PDE1A: variants seen among roughly 807,000 people sequenced by gnomAD.
The protein encoded by PDE1A is dual specificity calcium/calmodulin-dependent 3',5'-cyclic nucleotide phosphodiesterase 1A.
PDE1A carries 35 observed loss-of-function variants against 61.7 expected under a neutral mutation model. The ratio of observed to expected loss-of-function variants is 0.57; its 90% confidence interval spans 0.43 to 0.75. The LOEUF (loss-of-function observed/expected upper bound fraction) is 0.75. Ranked by LOEUF, PDE1A falls within the 30% of genes least tolerant of loss-of-function variation. The pLI is 0.00. For missense variants in PDE1A, 597 were observed against 630.6 expected (o/e 0.95, Z 0.57); for synonymous variants, 232 against 213.2 (o/e 1.09, Z -0.77).
chr2:182,305,487 T>C (rs142248363), intron 1 of PDE1A, among the ~76,000 whole-genome samples: 6 of 152,294 alleles, frequency 3.9e-5, no homozygotes, highest in African/African-American at 1.4e-4. Context: ...TGCTGATCCC[T>C]GCTCTAAATT....
the PDE1A span, among the ~76,000 whole-genome samples, chr2:182,537,198 T>C: frequency 6.6e-6 from 1 of 152,188 alleles, no homozygotes; most frequent in African/African-American, 2.4e-5. Flanking sequence ...TAAAGGAATA[T>C]TGAGGGATAG....
At chr2:182,431,135 A>C (rs565655081), upstream of PDE1A, among the ~76,000 whole-genome samples, 45 of 151,020 alleles carry the variant, frequency 3.0e-4, no homozygotes, top group African/African-American at 8.5e-4. Context: ...AAAAAAAAAA[A>C]AAAAAACACA....
chr2:182,246,367 T>A (rs1690946295), intron 2 of PDE1A, among the ~76,000 whole-genome samples: 3 of 151,798 alleles, frequency 2.0e-5, no homozygotes, highest in Admixed American at 1.3e-4. Flanking sequence ...TTTTATTTTG[T>A]CTTTTTATTC....
intron 2 of PDE1A, among the ~76,000 whole-genome samples, chr2:182,473,483 C>T (rs1559495146): frequency 6.6e-6 from 1 of 151,690 alleles, no homozygotes; most frequent in East Asian, 2.0e-4. Flanking sequence ...TGAACAGGCA[C>T]TTTTTTTCTT....
chr2:182,595,738 G>T, the PDE1A span, among the ~76,000 whole-genome samples: 1 of 152,154 alleles, frequency 6.6e-6, no homozygotes, highest in African/African-American at 2.4e-5. Flanking sequence ...TCGCCATCAG[G>T]TGGATCTCTT....
chr2:182,409,784 A>G (rs1179707125), intron 1 of PDE1A, among the ~76,000 whole-genome samples: 1 of 152,218 alleles, frequency 6.6e-6, no homozygotes, highest in Non-Finnish European at 1.5e-5. Context: ...GAACATTACA[A>G]TTATATGTAC....
At chr2:182,413,124 C>G (rs147401727) in intron 1 of PDE1A, among the ~76,000 whole-genome samples, 1 of 151,978 alleles carries the variant, frequency 6.6e-6, no homozygotes. Context: ...CCAGAATGAC[C>G]GTAGCATAAG....
chr2:182,550,613 A>G, the PDE1A span, among the ~76,000 whole-genome samples: 2 of 152,238 alleles, frequency 1.3e-5, no homozygotes, highest in East Asian at 1.9e-4. Flanking sequence ...TTCTAGGTGC[A>G]TTAGACACAT....
At chr2:182,671,069 T>A in the PDE1A span, among the ~76,000 whole-genome samples, 1 of 152,082 alleles carries the variant, frequency 6.6e-6, no homozygotes, top group Non-Finnish European at 1.5e-5. Context: ...CCGCCCACCT[T>A]GGCCTCCCAA....
At chr2:182,496,217 T>C (rs532731540) in intron 2 of PDE1A, among the ~76,000 whole-genome samples, 4 of 152,276 alleles carry the variant, frequency 2.6e-5, no homozygotes, top group Non-Finnish European at 5.9e-5. Flanking sequence ...AATATTAAAC[T>C]AGGCTACAAA....
chr2:182,527,330 ATATATATATATATATATAT>A (rs1559543453), upstream of PDE1A, among the ~76,000 whole-genome samples: 30 of 7,378 alleles, frequency 4.1e-3, 4 homozygotes, highest in East Asian at 0.024. Context: ...AAAAAAAAAT[ATATATATATATATATATAT>A]ATATATATAT....
At chr2:182,532,756 C>T in the PDE1A span, among the ~76,000 whole-genome samples, 1 of 149,018 alleles carries the variant, frequency 6.7e-6, no homozygotes, top group Non-Finnish European at 1.5e-5. Context: ...GTCAGGAGAT[C>T]GACAGGACGG....
At chr2:182,262,968 T>TGTGTGTGTGTGC (rs1692333296) in intron 2 of PDE1A, among the ~76,000 whole-genome samples, 1 of 151,694 alleles carries the variant, frequency 6.6e-6, no homozygotes, top group South Asian at 2.1e-4. Flanking sequence ...TGTGTGTGTG[T>TGTGTGTGTGTGC]GTGTGTGTGT....
At chr2:182,264,867 G>GTATATATATA (rs1216416384) in intron 1 of PDE1A, among the ~76,000 whole-genome samples, 2 of 34,140 alleles carry the variant, frequency 5.9e-5, no homozygotes, top group East Asian at 8.6e-4. Flanking sequence ...AGAAAATGTG[G>GTATATATATA]TATATATATA....
the PDE1A span, among the ~76,000 whole-genome samples, chr2:182,562,743 G>A: frequency 6.6e-6 from 1 of 152,008 alleles, no homozygotes; most frequent in African/African-American, 2.4e-5. Context: ...GCCTGTTATT[G>A]GTCTATTCAG....
intron 1 of PDE1A, among the ~76,000 whole-genome samples, chr2:182,275,208 A>C (rs1192104634): frequency 9.9e-5 from 15 of 152,028 alleles, no homozygotes. Flanking sequence ...AGAGAGAAAC[A>C]CCAGTGGGGA....
the PDE1A span, among the ~76,000 whole-genome samples, chr2:182,554,977 C>G: frequency 6.6e-6 from 1 of 152,134 alleles, no homozygotes; most frequent in African/African-American, 2.4e-5. Flanking sequence ...AAAGTGTAAA[C>G]AGAGAAATAG....
chr2:182,245,784 A>AATT, intron 2 of PDE1A, among the ~76,000 whole-genome samples: 1 of 152,328 alleles, frequency 6.6e-6, no homozygotes, highest in Non-Finnish European at 1.5e-5. Flanking sequence ...AAGGTTTGAC[A>AATT]ATTATGAATA....
chr2:182,178,063 G>T lies in PDE1A; in HGVS notation c.1516+7829C>A, dbSNP rs566659051. ...TTGTGTGTCTCGATGAGCTGATACAGTGAATCATTAGCTGATCTGGTTTTG... is the reference window on the plus strand; with the variant it reads ...TTGTGTGTCTCGATGAGCTGATACATTGAATCATTAGCTGATCTGGTTTTG... On this transcript the variant is annotated intron_variant, in intron 13 of 13. Coordinates refer to ENST00000351439, the Ensembl canonical transcript of PDE1A. Among the ~76,000 whole-genome samples the T allele has an allele frequency of 3.9e-5, 6 of 152,244 alleles. No individual in the cohort carries two copies. In the South Asian group the frequency reaches 1.2e-3, roughly 32 times the overall value.
Sources: allele counts gnomAD v4.1 joint callset (sites outside exome capture counted in the v4.1 genomes callset), GRCh38; gene constraint gnomAD v4.1.1; transcripts MANE v1.5; gene names NCBI Gene and HGNC (gene_info 2026-07-23, HGNC 2026-07-21).